The following MCC variants were observed in gnomAD, a reference collection of about 807,000 sequenced individuals.
The protein encoded by MCC is MCC regulator of Wnt signaling pathway.
In MCC, 90 loss-of-function variants were observed where a neutral mutation model predicts 116.2. The observed-to-expected ratio is 0.77, with a 90% confidence interval of 0.65 to 0.92. The LOEUF (loss-of-function observed/expected upper bound fraction) is 0.92, where lower values mean the gene tolerates loss of function less well. MCC is among the 40% of genes least tolerant of loss of function. MCC has a pLI of 0.00. For synonymous variants in MCC, 578 were observed against 510.5 expected, an observed-to-expected ratio of 1.13 and a Z score of -1.78; for missense variants, 1,516 against 1,312.2, an observed-to-expected ratio of 1.16 and a Z score of -2.40.
At chr5:113,108,447 G>C (rs1162217041) in intron 6 of MCC, among the ~76,000 whole-genome samples, 1 of 150,568 alleles carries the variant, frequency 6.6e-6, no homozygotes, top group African/African-American at 2.4e-5. Flanking sequence ...GAGGTCAGGA[G>C]TTTGAGACCA....
At chr5:113,433,315 C>G (rs980382830) in intron 1 of MCC, 2 of 306,276 alleles carry the variant, frequency 6.5e-6, no homozygotes, top group Non-Finnish European at 1.3e-5. Context: ...CAGTCTGGCC[C>G]GGTCTGGCCT....
At chr5:113,152,029 G>A (rs895279430) in intron 3 of MCC, among the ~76,000 whole-genome samples, 2 of 152,180 alleles carry the variant, frequency 1.3e-5, no homozygotes, top group East Asian at 3.9e-4. Flanking sequence ...GTACTGGCCA[G>A]ACAGATGCTT....
chr5:113,264,825 C>G (rs1431837888), intron 3 of MCC, among the ~76,000 whole-genome samples: 1 of 152,074 alleles, frequency 6.6e-6, no homozygotes, highest in African/African-American at 2.4e-5. Flanking sequence ...GGCAGATCAC[C>G]TGAGGTTAGG....
intron 1 of MCC, among the ~76,000 whole-genome samples, chr5:113,456,905 G>A (rs1771567494): frequency 6.6e-6 from 1 of 152,034 alleles, no homozygotes; most frequent in African/African-American, 2.4e-5. Flanking sequence ...TTTCAGATTT[G>A]GGGTGCCTAA....
chr5:113,470,077 C>T (rs1298907679), intron 1 of MCC, among the ~76,000 whole-genome samples: 1 of 152,026 alleles, frequency 6.6e-6, no homozygotes, highest in Non-Finnish European at 1.5e-5. Context: ...ATGTGTGTCT[C>T]TGCACATGAG....
At chr5:113,200,334 T>G (rs1762622288) in intron 3 of MCC, among the ~76,000 whole-genome samples, 1 of 152,164 alleles carries the variant, frequency 6.6e-6, no homozygotes, top group Admixed American at 6.5e-5. Context: ...AGGTACAGTT[T>G]GTTCAATGAA....
Position 113,053,841 on chromosome 5 carries a change from G to A in MCC, c.2332C>T (p.Leu778=). Residue 778 remains leucine, a synonymous_variant, in exon 15 of 19, where the codon CTG becomes TTG. Transcript: ENST00000408903. ...NDRAAVKLTM[L]ELESIHIDPL... ...TCGATGTGGATGCTTTCCAGCTCCAGCATGGTCAGCTTGACCGCAGCCCTG... is the reference window on the plus strand; with the variant it reads ...TCGATGTGGATGCTTTCCAGCTCCAACATGGTCAGCTTGACCGCAGCCCTG... 5.0e-6 allele frequency: 8 copies of A among 1,614,066 alleles called. No homozygotes were observed. The highest frequency in any genetic ancestry group is 6.8e-6 in the Non-Finnish European group (8 of 1,179,948).
chr5:113,153,540 G>A (rs1252142356), intron 3 of MCC, among the ~76,000 whole-genome samples: 2 of 151,662 alleles, frequency 1.3e-5, no homozygotes, highest in Non-Finnish European at 2.9e-5. Flanking sequence ...AGATGCCCAA[G>A]GGGGCAGGTC....
intron 18 of MCC, among the ~76,000 whole-genome samples, chr5:113,027,766 A>T (rs934545728): frequency 6.6e-6 from 1 of 152,180 alleles, no homozygotes; most frequent in African/African-American, 2.4e-5. Context: ...CAAACCAGCA[A>T]TCCAAATTGG....
At chr5:113,106,051 C>G (rs901986692) in intron 6 of MCC, among the ~76,000 whole-genome samples, 1 of 152,188 alleles carries the variant, frequency 6.6e-6, no homozygotes, top group African/African-American at 2.4e-5. Flanking sequence ...GTAATTCTAA[C>G]GTGCAGTCAG....
chr5:113,124,848 G>C (rs74647331), intron 5 of MCC, among the ~76,000 whole-genome samples: 1 of 152,236 alleles, frequency 6.6e-6, no homozygotes, highest in South Asian at 2.1e-4. Flanking sequence ...TCTTCAAGGA[G>C]ACAAAGATGT....
intron 8 of MCC, among the ~76,000 whole-genome samples, chr5:113,096,845 A>G (rs1029656613): frequency 6.6e-6 from 1 of 152,140 alleles, no homozygotes; most frequent in African/African-American, 2.4e-5. Flanking sequence ...CTAGCCTCAT[A>G]CTGACTAATA....
At chr5:113,258,127 A>G (rs1365873030) in intron 3 of MCC, among the ~76,000 whole-genome samples, 1 of 152,232 alleles carries the variant, frequency 6.6e-6, no homozygotes, top group Non-Finnish European at 1.5e-5. Flanking sequence ...TTCAGTGAGC[A>G]CATTGCAAGG....
intron 3 of MCC, among the ~76,000 whole-genome samples, chr5:113,313,371 CA>C (rs1000386425): frequency 1.3e-5 from 2 of 151,912 alleles, no homozygotes; most frequent in African/African-American, 4.8e-5. Flanking sequence ...AAACAAACAA[CA>C]AAAACGTGTA....
intron 16 of MCC, among the ~76,000 whole-genome samples, chr5:113,047,622 T>C (rs907940663): frequency 2.6e-5 from 4 of 152,180 alleles, no homozygotes; most frequent in East Asian, 1.9e-4. Flanking sequence ...CTTATTAGAC[T>C]AGCAAGTTGG....
chr5:113,163,069 A>G (rs993721647), intron 3 of MCC, among the ~76,000 whole-genome samples: 1 of 152,126 alleles, frequency 6.6e-6, no homozygotes, highest in African/African-American at 2.4e-5. Flanking sequence ...AAACACATTC[A>G]TCCTAAACAG....
In MCC at chr5:113,022,842, T is replaced by C. The variant is rs2150201440; in HGVS notation, c.*4460A>G. On this transcript the variant is annotated 3_prime_UTR_variant, in exon 19 of 19. Transcript: ENST00000408903. The stretch of plus-strand genomic sequence containing the variant: ...TACTAGTCAAGGATGTGGTTTTACA[T>C]AGCAGTTGCTATTTCCGGGACTGAA... 1 of 152,372 alleles carries C rather than the reference T, an allele frequency of 6.6e-6. No individual in the cohort carries two copies. The highest frequency in any genetic ancestry group is 1.5e-5 in the Non-Finnish European group (1 of 68,042). 9.4% of individuals were successfully genotyped at this position (152,372 alleles called of 1,614,324 possible). A position where few individuals can be genotyped will look rare whatever the true frequency, so the allele number is the denominator to read the frequency against.
intron 2 of MCC, among the ~76,000 whole-genome samples, chr5:113,365,688 G>A (rs531345241): frequency 1.3e-5 from 2 of 152,288 alleles, no homozygotes; most frequent in African/African-American, 4.8e-5. Context: ...AAAGAAAAGA[G>A]GTTTAACTGG....
chr5:113,236,540 T>C (rs1764138237), intron 3 of MCC, among the ~76,000 whole-genome samples: 3 of 152,184 alleles, frequency 2.0e-5, no homozygotes, highest in South Asian at 2.1e-4. Context: ...TCTAGGGTTG[T>C]TGAGGTAGTT....
Sources: gnomAD v4.1 joint callset for allele counts (sites outside exome capture counted in the v4.1 genomes callset) on GRCh38, gnomAD v4.1.1 for gene constraint, MANE v1.5 for transcripts, NCBI Gene and HGNC (gene_info 2026-07-23, HGNC 2026-07-21) for gene names.